ERBB4: variants seen among roughly 807,000 people sequenced by gnomAD.
ERBB4 encodes the protein erb-b2 receptor tyrosine kinase 4.
Under a neutral mutation model 158.0 loss-of-function variants are expected in ERBB4, and 42 were observed. That is an observed-to-expected ratio of 0.27 (90% CI 0.21 to 0.34). ERBB4 has a LOEUF of 0.34. Ranked by LOEUF, ERBB4 falls within the 10% of genes least tolerant of loss-of-function variation. The pLI, the probability that ERBB4 is intolerant of heterozygous loss-of-function variation, is 1.00. For synonymous variants in ERBB4, 583 were observed against 558.7 expected, an observed-to-expected ratio of 1.04 and a Z score of -0.61; for missense variants, 1,333 against 1,624.1, an observed-to-expected ratio of 0.82 and a Z score of 3.08.
intron 16 of ERBB4, among the ~76,000 whole-genome samples, chr2:211,643,018 T>A (rs1420991572): frequency 1.3e-5 from 2 of 152,130 alleles, no homozygotes; most frequent in Admixed American, 6.6e-5. Context: ...CAAGTTATTT[T>A]TCTTTGCTGG....
At chr2:211,997,256 G>A (rs759963598) in intron 2 of ERBB4, among the ~76,000 whole-genome samples, 1 of 152,062 alleles carries the variant, frequency 6.6e-6, no homozygotes, top group South Asian at 2.1e-4. Flanking sequence ...GAAGCATCAG[G>A]AACGTGGATT....
chr2:211,496,519 C>A (rs75133575), intron 20 of ERBB4, among the ~76,000 whole-genome samples: 3,346 of 151,612 alleles, frequency 0.022, 121 homozygotes, highest in African/African-American at 0.074. Flanking sequence ...CATCACATAC[C>A]TTCTTCTCAA....
chr2:212,400,896 CT>C (rs1470688802), intron 1 of ERBB4, among the ~76,000 whole-genome samples: 1 of 152,088 alleles, frequency 6.6e-6, no homozygotes. Flanking sequence ...GCAAACTCTT[CT>C]CAAAATTAAT....
At chr2:212,480,011 T>C (rs922095968) in intron 1 of ERBB4, among the ~76,000 whole-genome samples, 2 of 152,194 alleles carry the variant, frequency 1.3e-5, no homozygotes, top group African/African-American at 2.4e-5. Context: ...TTCTTCATAT[T>C]TGAACTTCTC....
At chr2:212,187,603 C>G (rs945229963) in intron 1 of ERBB4, among the ~76,000 whole-genome samples, 2 of 151,838 alleles carry the variant, frequency 1.3e-5, no homozygotes, top group East Asian at 3.9e-4. Flanking sequence ...TCTTAAATAT[C>G]AATTTTTTAA....
intron 1 of ERBB4, among the ~76,000 whole-genome samples, chr2:212,475,307 G>A (rs1689331002): frequency 1.3e-5 from 2 of 152,224 alleles, no homozygotes; most frequent in South Asian, 4.1e-4. Context: ...TTAACAAGAA[G>A]CTCTGCATTT....
intron 5 of ERBB4, among the ~76,000 whole-genome samples, chr2:211,739,303 G>A (rs756207621): frequency 6.6e-6 from 1 of 152,016 alleles, no homozygotes; most frequent in African/African-American, 2.4e-5. Flanking sequence ...CTAAATCACT[G>A]TAGACATTTG....
intron 20 of ERBB4, among the ~76,000 whole-genome samples, chr2:211,523,125 A>G (rs2066233627): frequency 1.4e-5 from 2 of 147,536 alleles, no homozygotes; most frequent in South Asian, 2.4e-4. Context: ...CCCCACTGAC[A>G]GTACCCCACA....
At chr2:211,791,567 A>T (rs1055073347) in intron 3 of ERBB4, among the ~76,000 whole-genome samples, 3 of 151,880 alleles carry the variant, frequency 2.0e-5, no homozygotes, top group Non-Finnish European at 4.4e-5. Flanking sequence ...ATTTCATTTT[A>T]TTTTACTTCC....
chr2:211,417,680 T>C (rs1391278336), intron 25 of ERBB4, among the ~76,000 whole-genome samples: 1 of 152,154 alleles, frequency 6.6e-6, no homozygotes, highest in Non-Finnish European at 1.5e-5. Flanking sequence ...TCAAAAGCAC[T>C]ATAAAAAATT....
chr2:211,867,570 A>G (rs1171058545), intron 3 of ERBB4, among the ~76,000 whole-genome samples: 7 of 152,222 alleles, frequency 4.6e-5, no homozygotes, highest in Non-Finnish European at 7.3e-5. Context: ...ATGTAGATAT[A>G]TGAATGTGTA....
intron 2 of ERBB4, among the ~76,000 whole-genome samples, chr2:212,108,036 A>G (rs1346120577): frequency 6.6e-6 from 1 of 152,230 alleles, no homozygotes; most frequent in Non-Finnish European, 1.5e-5. Context: ...ATTTTACAAA[A>G]GAAAACAAGA....
chr2:211,701,332 G>T (rs1021964052), intron 12 of ERBB4, among the ~76,000 whole-genome samples: 1 of 152,086 alleles, frequency 6.6e-6, no homozygotes, highest in Admixed American at 6.5e-5. Context: ...AACAAACAGA[G>T]AATTCAATAG....
intron 1 of ERBB4, among the ~76,000 whole-genome samples, chr2:212,321,559 C>T (rs572042300): frequency 6.6e-6 from 1 of 150,378 alleles, no homozygotes; most frequent in South Asian, 2.1e-4. Context: ...ATTAGCTGGG[C>T]ATTGTGGCAC....
intron 2 of ERBB4, among the ~76,000 whole-genome samples, chr2:211,992,799 A>T (rs909303699): frequency 6.6e-6 from 1 of 152,198 alleles, no homozygotes; most frequent in Non-Finnish European, 1.5e-5. Flanking sequence ...TGTGTTGCAG[A>T]GGAGGAGAAA....
chr2:212,290,051 CTAG>C (rs1191465140), intron 1 of ERBB4, among the ~76,000 whole-genome samples: 1 of 151,982 alleles, frequency 6.6e-6, no homozygotes, highest in Non-Finnish European at 1.5e-5. Context: ...AGTAAAATTC[CTAG>C]TATTTTTCAG....
chr2:211,593,051 G>T (rs2068524373), intron 19 of ERBB4, among the ~76,000 whole-genome samples: 1 of 151,702 alleles, frequency 6.6e-6, no homozygotes, highest in Non-Finnish European at 1.5e-5. Flanking sequence ...CACTGAAGGG[G>T]CTTGCTCCAT....
At chr2:211,958,600 G>A (rs2081092412) in intron 2 of ERBB4, among the ~76,000 whole-genome samples, 1 of 152,006 alleles carries the variant, frequency 6.6e-6, no homozygotes, top group African/African-American at 2.4e-5. Flanking sequence ...TAGACAAAAA[G>A]TGATGGAGGA....
chr2:211,414,108 C>G (rs757164052), intron 25 of ERBB4, among the ~76,000 whole-genome samples: 1 of 152,142 alleles, frequency 6.6e-6, no homozygotes, highest in South Asian at 2.1e-4. Flanking sequence ...CTCTGGGGAC[C>G]CTTCCCTATC....
Sources: gnomAD v4.1 joint callset for allele counts (sites outside exome capture counted in the v4.1 genomes callset) on GRCh38, gnomAD v4.1.1 for gene constraint, MANE v1.5 for transcripts, NCBI Gene and HGNC (gene_info 2026-07-23, HGNC 2026-07-21) for gene names.